Variants in BRI3BP observed in about 807,000 individuals in gnomAD.
BRI3BP encodes BRI3 binding protein, also known as BRI3-binding protein.
BRI3BP carries 7 observed loss-of-function variants against 15.8 expected under a neutral mutation model. The ratio of observed to expected loss-of-function variants is 0.44; its 90% confidence interval spans 0.25 to 0.83. The LOEUF is 0.83. Among genes scored for constraint, BRI3BP ranks in the 40% least tolerant of loss-of-function variants. The probability of loss-of-function intolerance (pLI) is 0.20; values close to 1 mark genes in which losing one functional copy is unlikely to be tolerated. For missense variants in BRI3BP, 320 were observed against 339.3 expected (o/e 0.94, Z 0.45); for synonymous variants, 192 against 163.5 (o/e 1.17, Z -1.33).
intron 1 of BRI3BP, among the ~76,000 whole-genome samples, chr12:124,997,642 A>G (rs552919000): frequency 6.6e-6 from 1 of 152,172 alleles, no homozygotes; most frequent in Non-Finnish European, 1.5e-5. Context: ...ATATTTCTAT[A>G]TGAAGGGAAT....
At chr12:125,020,216 G>A (rs1472604321) in intron 2 of BRI3BP, among the ~76,000 whole-genome samples, 1 of 152,108 alleles carries the variant, frequency 6.6e-6, no homozygotes, top group Non-Finnish European at 1.5e-5. Context: ...AAAGAGCTGG[G>A]ATTACAGGCA....
chr12:125,019,632 AC>A (rs202046852), intron 2 of BRI3BP, among the ~76,000 whole-genome samples: 84,580 of 118,410 alleles, frequency 0.71, 31,528 homozygotes, highest in East Asian at 0.86. Flanking sequence ...CATTAATTCC[AC>A]CCTTTTTTTT....
chr12:125,002,326 C>T (rs1955099940), intron 1 of BRI3BP, among the ~76,000 whole-genome samples: 1 of 134,610 alleles, frequency 7.4e-6, no homozygotes, highest in African/African-American at 2.6e-5. Context: ...TGCCTACCAG[C>T]ATGTGGGGCC....
chr12:125,035,505 T>G (rs991289304), downstream of BRI3BP, among the ~76,000 whole-genome samples: 9 of 151,836 alleles, frequency 5.9e-5, no homozygotes, highest in Admixed American at 2.6e-4. Flanking sequence ...GCAGTTCTCA[T>G]GCTTCAGTAT....
At chr12:124,995,672 G>A (rs1180636469) in intron 1 of BRI3BP, among the ~76,000 whole-genome samples, 1 of 151,954 alleles carries the variant, frequency 6.6e-6, no homozygotes, top group Non-Finnish European at 1.5e-5. Flanking sequence ...ATAATCTTAT[G>A]TAATCCTTAG....
At chr12:125,010,356 C>T (rs972188989) in intron 1 of BRI3BP, among the ~76,000 whole-genome samples, 1 of 152,170 alleles carries the variant, frequency 6.6e-6, no homozygotes, top group African/African-American at 2.4e-5. Context: ...GACAGCCTGG[C>T]TTGTGCTTTC....
At chr12:125,013,209 T>C (rs1955211873) in intron 2 of BRI3BP, among the ~76,000 whole-genome samples, 1 of 152,218 alleles carries the variant, frequency 6.6e-6, no homozygotes, top group African/African-American at 2.4e-5. Flanking sequence ...ACCAGAGGTA[T>C]AGTGCTCTGG....
chr12:124,999,195 G>A lies in BRI3BP; in HGVS notation c.213+5192G>A, dbSNP rs184607943. On this transcript the variant is annotated intron_variant, in intron 1 of 2. Coordinates refer to ENST00000341446, the MANE Select transcript of BRI3BP (RefSeq NM_080626.6). The stretch of plus-strand genomic sequence containing the variant: ...GTGGAAACATCCTGAATGCCAGGTC[G>A]AGAAACTAGTACTTTTTTCCCTTGC... 2.8e-4 allele frequency among the ~76,000 whole-genome samples: 42 copies of A among 152,226 alleles called. No individual in the cohort carries two copies. In the East Asian group the frequency reaches 6.7e-3, roughly 24 times the overall value.
chr12:125,012,069 C>T (rs1014371009), intron 1 of BRI3BP, among the ~76,000 whole-genome samples: 1 of 152,088 alleles, frequency 6.6e-6, no homozygotes, highest in Non-Finnish European at 1.5e-5. Context: ...CACCTGTAGC[C>T]CTAGCTACTT....
chr12:125,031,508 G>A (rs909098466), downstream of BRI3BP, among the ~76,000 whole-genome samples: 5 of 151,090 alleles, frequency 3.3e-5, no homozygotes, highest in Non-Finnish European at 7.4e-5. Context: ...ACAGTGATGC[G>A]TGCCTCTCCA....
At chr12:125,005,835 CT>C (rs1955138646) in intron 1 of BRI3BP, among the ~76,000 whole-genome samples, 1 of 151,772 alleles carries the variant, frequency 6.6e-6, no homozygotes, top group African/African-American at 2.4e-5. Flanking sequence ...CACCGGATTT[CT>C]GCTGGAACTG....
intron 1 of BRI3BP, among the ~76,000 whole-genome samples, chr12:125,010,588 C>A (rs1194641019): frequency 6.6e-6 from 1 of 151,910 alleles, no homozygotes; most frequent in Admixed American, 6.6e-5. Context: ...ACCATCCTGG[C>A]CAACATGGAG....
Position 125,008,713 on chromosome 12 carries a change from G to A in BRI3BP, c.214-3821G>A, listed in dbSNP as rs145019250. Reference sequence around the variant, plus strand: ...ATGGACTGGGTCGGGGGATGGTTTCGGGATGATTCAGGCGCATTACGTTTA... The same window carrying A: ...ATGGACTGGGTCGGGGGATGGTTTCAGGATGATTCAGGCGCATTACGTTTA... On this transcript the variant is annotated intron_variant, in intron 1 of 2. Transcript: ENST00000341446. Among the ~76,000 whole-genome samples, 18 of 152,234 alleles carry A rather than the reference G, an allele frequency of 1.2e-4. No homozygotes were observed. In the East Asian group the frequency reaches 2.5e-3, roughly 21 times the overall value.
chr12:125,039,203 C>T, the BRI3BP span, among the ~76,000 whole-genome samples: 1 of 152,172 alleles, frequency 6.6e-6, no homozygotes, highest in Non-Finnish European at 1.5e-5. Flanking sequence ...GGACTGAAAC[C>T]CAGCAGCTGT....
intron 2 of BRI3BP, among the ~76,000 whole-genome samples, chr12:125,021,395 C>T (rs898552532): frequency 6.6e-6 from 1 of 152,188 alleles, no homozygotes; most frequent in Non-Finnish European, 1.5e-5. Context: ...CACTCCAGAT[C>T]GTTGTGTCAC....
chr12:125,005,986 G>A (rs918245611), intron 1 of BRI3BP, among the ~76,000 whole-genome samples: 20 of 152,074 alleles, frequency 1.3e-4, no homozygotes, highest in Non-Finnish European at 2.8e-4. Flanking sequence ...TTTCTCCTGA[G>A]GCCCCTCGTC....
intron 1 of BRI3BP, among the ~76,000 whole-genome samples, chr12:125,000,016 CTTT>C (rs66571863): frequency 7.4e-5 from 3 of 40,688 alleles, no homozygotes; most frequent in African/African-American, 1.0e-4. Flanking sequence ...TTTGGTTTTT[CTTT>C]TTTTTTTTTT....
At chr12:125,043,884 G>T in the BRI3BP span, among the ~76,000 whole-genome samples, 1 of 152,100 alleles carries the variant, frequency 6.6e-6, no homozygotes, top group South Asian at 2.1e-4. Context: ...AATTAGCCAG[G>T]CGTGATGGTG....
intron 1 of BRI3BP, among the ~76,000 whole-genome samples, chr12:124,997,214 CTTTTTTT>C (rs1229802280): frequency 3.1e-4 from 16 of 51,540 alleles, no homozygotes; most frequent in Non-Finnish European, 4.8e-4. Context: ...CTTTACTTCT[CTTTTTTT>C]TTTTTTTTTT....
Sources: allele counts gnomAD v4.1 joint callset (sites outside exome capture counted in the v4.1 genomes callset), GRCh38; gene constraint gnomAD v4.1.1; transcripts MANE v1.5; gene names NCBI Gene and HGNC (gene_info 2026-07-23, HGNC 2026-07-21).